RAI2: variants seen among roughly 807,000 people sequenced by gnomAD.
RAI2 encodes the protein retinoic acid induced 2, also known as retinoic acid-induced protein 2.
A neutral mutation model predicts 15.3 loss-of-function variants in RAI2; 5 were observed. That is an observed-to-expected ratio of 0.33 (90% CI 0.17 to 0.69). RAI2 has a LOEUF of 0.69. Among genes scored for constraint, RAI2 ranks in the 30% least tolerant of loss-of-function variants. RAI2 has a pLI of 0.69. For synonymous variants in RAI2, 191 were observed against 184.0 expected (o/e 1.04, Z -0.31); for missense variants, 424 against 424.7 (o/e 1.00, Z 0.01).
At chrX:17,828,643 G>A (rs1392480795) in intron 1 of RAI2, among the ~76,000 whole-genome samples, 1 of 111,934 alleles carries the variant, frequency 8.9e-6, no homozygotes, top group Non-Finnish European at 1.9e-5. Flanking sequence ...GGACCTTGAT[G>A]AGCCCAAGCT....
chrX:17,830,605 G>A (rs2067271432), intron 1 of RAI2, among the ~76,000 whole-genome samples: 1 of 109,991 alleles, frequency 9.1e-6, no homozygotes, highest in Non-Finnish European at 1.9e-5. Flanking sequence ...ACATAAATCA[G>A]GACAAGCCGA....
At chrX:17,803,479 C>T (rs1239651304) in intron 1 of RAI2, among the ~76,000 whole-genome samples, 2 of 109,714 alleles carry the variant, frequency 1.8e-5, no homozygotes, top group East Asian at 2.9e-4. Context: ...TGCAGTGAGC[C>T]GAGATCGCAT....
intron 1 of RAI2, among the ~76,000 whole-genome samples, chrX:17,821,694 T>C (rs950241324): frequency 9.0e-6 from 1 of 111,375 alleles, no homozygotes; most frequent in African/African-American, 3.3e-5. Flanking sequence ...ATTTCCATTT[T>C]TACAAAGACT....
intron 1 of RAI2, among the ~76,000 whole-genome samples, chrX:17,840,891 T>C (rs762500433): frequency 1.8e-4 from 20 of 111,906 alleles, no homozygotes; most frequent in Non-Finnish European, 3.4e-4. Flanking sequence ...CAAGAGAGAC[T>C]GGGAAATGTA....
At chrX:17,819,337 T>C (rs746138825) in intron 1 of RAI2, among the ~76,000 whole-genome samples, 1 of 112,429 alleles carries the variant, frequency 8.9e-6, no homozygotes, top group South Asian at 3.7e-4. Context: ...TTTAAAAGAC[T>C]AGAAACACCA....
rs200706512 is a variant in RAI2, at chrX:17,800,714, C to T, written c.1297G>A (p.Glu433Lys). The change falls in exon 2 of 2, where the codon GAG (glutamate) becomes AAG (lysine). Residue 433 changes from glutamate (E) to lysine (K), a missense_variant. Physicochemically the swap from Glu to Lys is moderately conservative, Grantham distance 56 (BLOSUM62 1). Coordinates refer to ENST00000451717, the MANE Select transcript of RAI2 (RefSeq NM_021785.6). ...ACAATGACCTTGGCCGCCTGGGACT[C>T]GCCCACCATCTCAATGTTATTTTCA... is the stretch of plus-strand genomic sequence containing the variant. ...KAENNIEMVG[E>K]SQAAKVIVSV... 109 of 1,209,669 alleles carry T rather than the reference C, an allele frequency of 9.0e-5. No homozygotes were observed. The highest frequency in any genetic ancestry group is 3.3e-4 in the South Asian group (19 of 56,757).
chrX:17,819,981 T>C (rs1464833934), intron 1 of RAI2, among the ~76,000 whole-genome samples: 1 of 112,235 alleles, frequency 8.9e-6, no homozygotes, highest in Non-Finnish European at 1.9e-5. Flanking sequence ...AAAAGAGATA[T>C]TAAAAATACT....
intron 1 of RAI2, among the ~76,000 whole-genome samples, chrX:17,840,630 A>G (rs754818318): frequency 8.9e-6 from 1 of 111,864 alleles, no homozygotes; most frequent in African/African-American, 3.2e-5. Context: ...GTAACTGTCT[A>G]GGGTGGGGGC....
intron 1 of RAI2, among the ~76,000 whole-genome samples, chrX:17,830,927 G>T: frequency 8.9e-6 from 1 of 112,007 alleles, no homozygotes; most frequent in Middle Eastern, 4.2e-3. Context: ...AGAGAAAGAA[G>T]AAAAAGAAAT....
rs1391294739 is a variant in RAI2, at chrX:17,851,163, G to A, written c.-25+9935C>T. On this transcript the variant is annotated intron_variant, in intron 1 of 1. Transcript: ENST00000451717. ...TTCTGGTGTGGCTGTGTCGAACATG[G>A]AAGGGCAGGGCAGAATTGGCCTTTT... Among the ~76,000 whole-genome samples the A allele has an allele frequency of 2.7e-5, 3 of 112,522 alleles. No homozygotes were observed. In the East Asian group the frequency reaches 8.4e-4, roughly 32 times the overall value.
rs768492525 is a variant in RAI2 at position 17,831,165 on chromosome X, T to G, written c.-24-29131A>C. On this transcript the variant is annotated intron_variant, in intron 1 of 1. Transcript: ENST00000451717. ...ATACTGGAATAAATGTTTGGACTTT[T>G]CCATGGAGATAAGGGCTTCAGTTCT... Among the ~76,000 whole-genome samples the G allele has an allele frequency of 4.5e-5, 5 of 111,826 alleles. No homozygotes were observed. In the South Asian group the frequency reaches 1.9e-3, roughly 42 times the overall value.
At chrX:17,819,697 T>C in intron 1 of RAI2, among the ~76,000 whole-genome samples, 2 of 112,083 alleles carry the variant, frequency 1.8e-5, no homozygotes, top group Non-Finnish European at 3.8e-5. Context: ...AAAACCACCA[T>C]GTTGAAGGAA....
At chrX:17,840,059 A>G (rs2067380725) in intron 1 of RAI2, among the ~76,000 whole-genome samples, 1 of 112,622 alleles carries the variant, frequency 8.9e-6, no homozygotes, top group South Asian at 3.7e-4. Context: ...ATTACAGAGC[A>G]CTATTCATGT....
At chrX:17,851,625 T>C (rs2067536348) in intron 1 of RAI2, among the ~76,000 whole-genome samples, 1 of 111,375 alleles carries the variant, frequency 9.0e-6, no homozygotes, top group African/African-American at 3.3e-5. Flanking sequence ...TCAATGACCA[T>C]TGTAATCTGA....
intron 1 of RAI2, among the ~76,000 whole-genome samples, chrX:17,847,699 T>C (rs1268244695): frequency 2.7e-5 from 3 of 112,980 alleles, no homozygotes; most frequent in Non-Finnish European, 3.7e-5. Context: ...GGTGGAGCAC[T>C]TGGCATAGCC....
chrX:17,857,115 A>G (rs1001637229), intron 1 of RAI2, among the ~76,000 whole-genome samples: 4 of 111,985 alleles, frequency 3.6e-5, no homozygotes, highest in Non-Finnish European at 7.5e-5. Flanking sequence ...TTCTCCAAAG[A>G]CAAGAGCTGC....
intron 1 of RAI2, among the ~76,000 whole-genome samples, chrX:17,849,256 A>G (rs1399137762): frequency 8.9e-6 from 1 of 112,773 alleles, no homozygotes; most frequent in African/African-American, 3.2e-5. Flanking sequence ...AGCATATTCT[A>G]GAGCTGCTAC....
At chrX:17,834,000 C>A (rs1254949925) in intron 1 of RAI2, among the ~76,000 whole-genome samples, 2 of 111,259 alleles carry the variant, frequency 1.8e-5, no homozygotes, top group Non-Finnish European at 3.8e-5. Flanking sequence ...GCAATGCTGT[C>A]AATCCCAATG....
In RAI2 at chrX:17,842,077, C is replaced by T. The variant is rs138806745; in HGVS notation, c.-25+19021G>A. Reference sequence around the variant, plus strand: ...CTTGCATACTTGTCACTCATCCTGACAGGCAGGTATCACTGCCACCCACTG... The same window carrying T: ...CTTGCATACTTGTCACTCATCCTGATAGGCAGGTATCACTGCCACCCACTG... On this transcript the variant is annotated intron_variant, in intron 1 of 1. Transcript: ENST00000451717. Among the ~76,000 whole-genome samples, 41 of 112,266 alleles carry T rather than the reference C, an allele frequency of 3.7e-4. No homozygotes were observed. In the East Asian group the frequency reaches 6.2e-3, roughly 17 times the overall value.
Sources: allele counts gnomAD v4.1 joint callset (sites outside exome capture counted in the v4.1 genomes callset), GRCh38; gene constraint gnomAD v4.1.1; transcripts MANE v1.5; gene names NCBI Gene and HGNC (gene_info 2026-07-23, HGNC 2026-07-21).